The following PHF14 variants were observed in gnomAD, a reference collection of about 807,000 sequenced individuals.
PHF14 encodes the protein PHD finger protein 14.
In PHF14, 55 loss-of-function variants were observed where a neutral mutation model predicts 117.9. The ratio of observed to expected loss-of-function variants is 0.47; its 90% CI spans 0.38 to 0.58. The LOEUF (loss-of-function observed/expected upper bound fraction) is 0.58. Among genes scored for constraint, PHF14 ranks in the 20% least tolerant of loss-of-function variants. The pLI, the probability that PHF14 is intolerant of heterozygous loss-of-function variation, is 0.00. For synonymous variants in PHF14, 409 were observed against 368.6 expected (o/e 1.11, Z -1.26); for missense variants, 978 against 1,122.2 (o/e 0.87, Z 1.84).
chr7:11,057,532 G>A (rs1225646553), intron 14 of PHF14, among the ~76,000 whole-genome samples: 2 of 151,956 alleles, frequency 1.3e-5, no homozygotes, highest in Admixed American at 6.6e-5. Flanking sequence ...GCACCACCAC[G>A]TCCGGCTGAG....
chr7:11,032,785 G>A (rs1488378185), intron 7 of PHF14, among the ~76,000 whole-genome samples: 3 of 152,096 alleles, frequency 2.0e-5, no homozygotes, highest in African/African-American at 4.8e-5. Context: ...GCTTCTCAAG[G>A]CATTTGTATT....
chr7:11,151,126 A>G (rs1384712886), intron 17 of PHF14, among the ~76,000 whole-genome samples: 1 of 152,204 alleles, frequency 6.6e-6, no homozygotes, highest in Non-Finnish European at 1.5e-5. Flanking sequence ...TTTCTGAGTA[A>G]TTGTTGAACA....
At chr7:11,106,443 G>A (rs1787269050) in intron 16 of PHF14, 1 of 946,752 alleles carries the variant, frequency 1.1e-6, no homozygotes, top group Non-Finnish European at 1.3e-6. Flanking sequence ...TGCTCATGTA[G>A]GTAATTTGCA....
chr7:11,000,438 C>T (rs113995080), intron 4 of PHF14, among the ~76,000 whole-genome samples: 4 of 146,178 alleles, frequency 2.7e-5, no homozygotes, highest in African/African-American at 1.0e-4. Context: ...CTCCCAGGTT[C>T]CTGCGATTCT....
intron 17 of PHF14, among the ~76,000 whole-genome samples, chr7:11,165,255 A>C (rs559790460): frequency 1.3e-5 from 2 of 152,230 alleles, no homozygotes; most frequent in East Asian, 3.9e-4. Context: ...CTGTTTAATT[A>C]TATTGTAGAG....
At chr7:11,141,483 C>T (rs1462144076) in intron 17 of PHF14, among the ~76,000 whole-genome samples, 1 of 151,998 alleles carries the variant, frequency 6.6e-6, no homozygotes. Context: ...ATATATCTCA[C>T]AGTATGATTA....
At chr7:10,999,229 G>C (rs1218526797) in intron 4 of PHF14, among the ~76,000 whole-genome samples, 1 of 152,166 alleles carries the variant, frequency 6.6e-6, no homozygotes. Flanking sequence ...GAATAAGGCT[G>C]CCCCCTGATA....
intron 17 of PHF14, among the ~76,000 whole-genome samples, chr7:11,155,115 G>C (rs1303801701): frequency 2.0e-5 from 3 of 152,178 alleles, no homozygotes; most frequent in Non-Finnish European, 4.4e-5. Context: ...TGTGCTTTCT[G>C]TGGGCCAGGA....
intron 17 of PHF14, among the ~76,000 whole-genome samples, chr7:11,122,398 C>CT (rs1554275334): frequency 8.1e-6 from 1 of 123,532 alleles, no homozygotes; most frequent in African/African-American, 3.2e-5. Flanking sequence ...CATACACACA[C>CT]ATATATATAT....
chr7:11,029,982 A>G (rs1005108349), intron 7 of PHF14, among the ~76,000 whole-genome samples: 6 of 151,980 alleles, frequency 3.9e-5, no homozygotes, highest in Non-Finnish European at 5.9e-5. Context: ...AATTTGAAGG[A>G]TATATTTTAT....
chr7:11,147,333 T>C (rs1788575300), intron 17 of PHF14, among the ~76,000 whole-genome samples: 1 of 152,208 alleles, frequency 6.6e-6, no homozygotes, highest in South Asian at 2.1e-4. Flanking sequence ...ACTGTGATTC[T>C]TTTGGTCTTT....
At chr7:11,141,330 A>G (rs1311327789) in intron 17 of PHF14, among the ~76,000 whole-genome samples, 1 of 152,046 alleles carries the variant, frequency 6.6e-6, no homozygotes, top group Non-Finnish European at 1.5e-5. Flanking sequence ...GTCTGAAGAT[A>G]TGTAATAAGT....
chr7:11,087,412 G>A (rs555008533), intron 16 of PHF14, among the ~76,000 whole-genome samples: 2 of 152,074 alleles, frequency 1.3e-5, no homozygotes, highest in East Asian at 3.9e-4. Context: ...TACTGGTCTC[G>A]AACTCCTGAC....
intron 16 of PHF14, chr7:11,102,631 A>G (rs973566740): frequency 1.2e-5 from 19 of 1,523,704 alleles, no homozygotes; most frequent in African/African-American, 5.5e-5. Flanking sequence ...TGTCCTTTCT[A>G]TAAGCTTGTC....
chr7:10,989,714 T>C (rs950271019), intron 3 of PHF14, among the ~76,000 whole-genome samples: 9 of 152,184 alleles, frequency 5.9e-5, no homozygotes, highest in African/African-American at 1.9e-4. Flanking sequence ...TGCTGCAGCA[T>C]TGAATTCCTG....
chr7:11,137,775 G>C (rs1435484217), intron 17 of PHF14, among the ~76,000 whole-genome samples: 1 of 151,504 alleles, frequency 6.6e-6, no homozygotes, highest in East Asian at 2.0e-4. Context: ...CAGTAGAGAC[G>C]GGGTTTTGCC....
intron 17 of PHF14, among the ~76,000 whole-genome samples, chr7:11,136,594 T>C (rs1399905191): frequency 6.6e-6 from 1 of 152,224 alleles, no homozygotes; most frequent in East Asian, 1.9e-4. Flanking sequence ...TCTTTTGCCA[T>C]GTTCTATTCT....
intron 4 of PHF14, among the ~76,000 whole-genome samples, chr7:10,997,513 A>T (rs1328598048): frequency 6.6e-6 from 1 of 152,220 alleles, no homozygotes; most frequent in East Asian, 1.9e-4. Context: ...AACATTTATT[A>T]TTTCACATGA....
chr7:11,031,570 T>G (rs1424593004), intron 7 of PHF14, among the ~76,000 whole-genome samples: 1 of 140,620 alleles, frequency 7.1e-6, no homozygotes, highest in East Asian at 2.1e-4. Context: ...TTGGGCAACA[T>G]AGCAGGACCC....
Sources: allele counts gnomAD v4.1 joint callset (sites outside exome capture counted in the v4.1 genomes callset), GRCh38; gene constraint gnomAD v4.1.1; transcripts MANE v1.5; gene names NCBI Gene and HGNC (gene_info 2026-07-23, HGNC 2026-07-21).